The following NMNAT3 variants were observed in gnomAD, a reference collection of about 807,000 sequenced individuals.
The protein encoded by NMNAT3 is nicotinamide/nicotinic acid mononucleotide adenylyltransferase 3.
Under a neutral mutation model 24.8 loss-of-function variants are expected in NMNAT3, and 21 were observed. The ratio of observed to expected loss-of-function variants is 0.85; its 90% confidence interval spans 0.60 to 1.22. The LOEUF (loss-of-function observed/expected upper bound fraction) is 1.22. NMNAT3 is among the 50% of genes most tolerant of loss of function. NMNAT3 has a pLI of 0.00. For missense variants in NMNAT3, 387 were observed against 436.6 expected (o/e 0.89, Z 1.01); for synonymous variants, 136 against 155.2 (o/e 0.88, Z 0.92).
chr3:139,645,533 C>G (rs1370149154), intron 1 of NMNAT3, among the ~76,000 whole-genome samples: 1 of 152,150 alleles, frequency 6.6e-6, no homozygotes, highest in Non-Finnish European at 1.5e-5. Context: ...TCCAGCTACC[C>G]TCAAGATTAT....
chr3:139,629,863 C>T (rs1174836977), intron 2 of NMNAT3, among the ~76,000 whole-genome samples: 2 of 152,178 alleles, frequency 1.3e-5, no homozygotes, highest in Non-Finnish European at 2.9e-5. Flanking sequence ...TGTTAAGATC[C>T]AATTCATATG....
At chr3:139,567,684 A>C (rs1374178813) in intron 6 of NMNAT3, 3 of 152,206 alleles carry the variant, frequency 2.0e-5, no homozygotes, top group Non-Finnish European at 4.4e-5. Flanking sequence ...CATCCCAGGG[A>C]TGAAGCCCAC....
In NMNAT3 at chr3:139,595,325, T is replaced by G. The variant is rs375601034; in HGVS notation, c.110-12117A>C. Among the ~76,000 whole-genome samples, 15 of 152,284 alleles carry G rather than the reference T, an allele frequency of 9.9e-5. No individual in the cohort carries two copies. The East Asian group carries it at 2.7e-3, about 27-fold the overall frequency. ...GGAAATGAAAGAGGATACAAACAAA[T>G]GGAAGAACATTCCATGCTCATGGGT... On this transcript the variant is annotated intron_variant, in intron 3 of 6. Transcript: ENST00000643695.
At chr3:139,655,933 C>A (rs1369617232) in intron 1 of NMNAT3, among the ~76,000 whole-genome samples, 4 of 152,160 alleles carry the variant, frequency 2.6e-5, no homozygotes, top group African/African-American at 9.7e-5. Flanking sequence ...ACTGGCCATC[C>A]CCTCACACTC....
At chr3:139,647,847 A>G (rs2056919235) in intron 1 of NMNAT3, among the ~76,000 whole-genome samples, 2 of 151,522 alleles carry the variant, frequency 1.3e-5, no homozygotes. Flanking sequence ...GTTTTAAACT[A>G]CCAAGTTTAT....
chr3:139,580,130 TTCTCTC>T (rs1319593952), intron 4 of NMNAT3, among the ~76,000 whole-genome samples: 5 of 152,124 alleles, frequency 3.3e-5, no homozygotes, highest in Non-Finnish European at 5.9e-5. Flanking sequence ...CGTTGGAGAG[TTCTCTC>T]TTTCTATGCT....
intron 5 of NMNAT3, among the ~76,000 whole-genome samples, chr3:139,576,777 C>T (rs544504681): frequency 1.3e-5 from 2 of 152,040 alleles, no homozygotes; most frequent in African/African-American, 2.4e-5. Context: ...TAAAAAGAGG[C>T]CTGGTGTGGT....
intron 3 of NMNAT3, among the ~76,000 whole-genome samples, chr3:139,621,013 G>C (rs1375848592): frequency 6.6e-6 from 1 of 151,964 alleles, no homozygotes; most frequent in Non-Finnish European, 1.5e-5. Context: ...CCCAGGTTGG[G>C]CTCAAGCCAT....
chr3:139,598,432 A>G (rs918761691), intron 3 of NMNAT3, among the ~76,000 whole-genome samples: 1 of 152,124 alleles, frequency 6.6e-6, no homozygotes, highest in African/African-American at 2.4e-5. Flanking sequence ...GCTGCCATGA[A>G]TGGGTTCTAA....
intron 1 of NMNAT3, among the ~76,000 whole-genome samples, chr3:139,676,916 C>T (rs941296990): frequency 6.6e-6 from 1 of 152,164 alleles, no homozygotes; most frequent in Admixed American, 6.5e-5. Flanking sequence ...ACATCCAGCA[C>T]CCATCACGCA....
intron 3 of NMNAT3, among the ~76,000 whole-genome samples, chr3:139,612,842 TATCTG>T (rs1458084493): frequency 4.6e-5 from 7 of 152,106 alleles, no homozygotes; most frequent in Admixed American, 2.0e-4. Context: ...TATCTACAAC[TATCTG>T]ATCTTTGACA....
At chr3:139,576,111 A>T (rs1939267435) in intron 5 of NMNAT3, 3 of 1,249,800 alleles carry the variant, frequency 2.4e-6, no homozygotes, top group Non-Finnish European at 3.1e-6. Context: ...GTTTGTTACT[A>T]TGTCACTATG....
chr3:139,563,251 G>A (rs1936687960), intron 6 of NMNAT3, among the ~76,000 whole-genome samples: 1 of 152,194 alleles, frequency 6.6e-6, no homozygotes, highest in East Asian at 1.9e-4. Context: ...CTGCATCTGT[G>A]AAGTTTTACT....
At chr3:139,615,464 C>CTATCTATCTATCT (rs1438028853) in intron 3 of NMNAT3, among the ~76,000 whole-genome samples, 1,829 of 106,700 alleles carry the variant, frequency 0.017, 27 homozygotes, top group East Asian at 0.041. Context: ...TCTATCTATC[C>CTATCTATCTATCT]ATCCACCCAC....
chr3:139,610,455 A>G (rs2055157521), intron 3 of NMNAT3, among the ~76,000 whole-genome samples: 1 of 152,280 alleles, frequency 6.6e-6, no homozygotes, highest in South Asian at 2.1e-4. Context: ...AAAAAAAATT[A>G]TCTTGGTTCA....
At chr3:139,662,383 C>A (rs572346274) in intron 1 of NMNAT3, among the ~76,000 whole-genome samples, 1 of 152,220 alleles carries the variant, frequency 6.6e-6, no homozygotes, top group African/African-American at 2.4e-5. Flanking sequence ...GGGAGAAAGA[C>A]CTGCCTCAGA....
intron 3 of NMNAT3, among the ~76,000 whole-genome samples, chr3:139,626,151 G>A (rs2056039966): frequency 6.6e-6 from 1 of 151,932 alleles, no homozygotes; most frequent in Non-Finnish European, 1.5e-5. Context: ...GGATCTGTGG[G>A]TTTTCATCAA....
chr3:139,593,612 T>C (rs2054305845), intron 3 of NMNAT3, among the ~76,000 whole-genome samples: 1 of 151,526 alleles, frequency 6.6e-6, no homozygotes, highest in African/African-American at 2.4e-5. Flanking sequence ...ACAAACTATC[T>C]CTCAGACCAC....
At chr3:139,619,174 A>G (rs1361104742) in intron 3 of NMNAT3, among the ~76,000 whole-genome samples, 1 of 152,134 alleles carries the variant, frequency 6.6e-6, no homozygotes, top group Non-Finnish European at 1.5e-5. Flanking sequence ...TGGGTAGGGG[A>G]TGCAATTTAA....
Sources: gnomAD v4.1 joint callset for allele counts (sites outside exome capture counted in the v4.1 genomes callset) on GRCh38, gnomAD v4.1.1 for gene constraint, MANE v1.5 for transcripts, NCBI Gene and HGNC (gene_info 2026-07-23, HGNC 2026-07-21) for gene names.